DOCK2: variants seen among roughly 807,000 people sequenced by gnomAD.
The protein encoded by DOCK2 is dedicator of cytokinesis 2.
A neutral mutation model predicts 248.9 loss-of-function variants in DOCK2; 87 were observed. That is an observed-to-expected ratio of 0.35 (90% CI 0.29 to 0.42). DOCK2 has a LOEUF of 0.42. Ranked by LOEUF, DOCK2 falls within the 10% of genes least tolerant of loss-of-function variation. The pLI is 1.00. For missense variants in DOCK2, 1,747 were observed against 2,300.2 expected (o/e 0.76, Z 4.92); for synonymous variants, 805 against 821.6 (o/e 0.98, Z 0.35).
At chr5:169,881,512 C>T in intron 27 of DOCK2, 1 of 1,234,478 alleles carries the variant, frequency 8.1e-7, no homozygotes, top group East Asian at 2.5e-5. Flanking sequence ...ATTCAACCTA[C>T]TTGTCCCTTA....
chr5:169,988,288 G>A lies in DOCK2; in HGVS notation c.2993+2366G>A, dbSNP rs146537232. ...TAATAGCTAACATTTATTAAGTACC[G>A]AGATCCATCACTGTTGCAAAGGCTT... On this transcript the variant is annotated intron_variant, in intron 29 of 51. Coordinates refer to ENST00000520908, the MANE Select transcript of DOCK2 (RefSeq NM_004946.3). 5.3e-3 allele frequency among the ~76,000 whole-genome samples: 811 copies of A among 151,682 alleles called. 6 individuals are homozygous for A. The highest frequency in any genetic ancestry group is 0.018 in the African/African-American group (729 of 41,358).
chr5:169,987,844 G>A (rs1392602874), intron 29 of DOCK2, among the ~76,000 whole-genome samples: 1 of 152,132 alleles, frequency 6.6e-6, no homozygotes, highest in Non-Finnish European at 1.5e-5. Context: ...AAAGAAAAAA[G>A]TTAGACTCTA....
intron 30 of DOCK2, among the ~76,000 whole-genome samples, chr5:169,998,334 G>T (rs1419189307): frequency 6.6e-6 from 1 of 152,220 alleles, no homozygotes; most frequent in African/African-American, 2.4e-5. Flanking sequence ...AGGCCTGTGA[G>T]ATTCACCCTT....
rs1284673140 is a variant in DOCK2, at chr5:170,018,483, G to A, written c.3233-477G>A. 9.2e-5 allele frequency among the ~76,000 whole-genome samples: 14 copies of A among 152,148 alleles called. 1 individual carries two copies. The highest frequency in any genetic ancestry group is 2.9e-5 in the Non-Finnish European group (2 of 68,034). ...CTCAAGCTATGTTTTAAATCTCCCC[G>A]TTCCACTGACCACACTATTATAGCG... On this transcript the variant is annotated intron_variant, in intron 32 of 51. Coordinates refer to ENST00000520908, the MANE Select transcript of DOCK2 (RefSeq NM_004946.3).
At chr5:169,876,802 T>C (rs1772362631) in intron 27 of DOCK2, among the ~76,000 whole-genome samples, 1 of 152,250 alleles carries the variant, frequency 6.6e-6, no homozygotes. Flanking sequence ...ACAATGACTT[T>C]ACTTCTGGAC....
intron 5 of DOCK2, among the ~76,000 whole-genome samples, chr5:169,673,816 C>T (rs1229238025): frequency 6.6e-6 from 1 of 152,166 alleles, no homozygotes; most frequent in Admixed American, 6.5e-5. Flanking sequence ...GAGAGAATCA[C>T]CTAGGGATCC....
chr5:169,712,364 T>C, intron 17 of DOCK2, 141 bp downstream of exon 17: 1 of 643,978 alleles, frequency 1.6e-6, no homozygotes, highest in South Asian at 2.0e-5. Flanking sequence ...TCTTATAAAC[T>C]CTTGACTTCT....
chr5:169,802,834 A>G (rs1581211125), intron 25 of DOCK2, among the ~76,000 whole-genome samples: 1 of 152,230 alleles, frequency 6.6e-6, no homozygotes, highest in East Asian at 1.9e-4. Context: ...TAGAATATAC[A>G]GAATAAAATA....
chr5:169,839,481 C>T (rs1769805569), intron 26 of DOCK2, among the ~76,000 whole-genome samples: 1 of 152,144 alleles, frequency 6.6e-6, no homozygotes. Flanking sequence ...ATTCCTAGGC[C>T]TTTCCACTTG....
At chr5:169,828,982 A>C (rs887181458) in intron 26 of DOCK2, among the ~76,000 whole-genome samples, 2 of 152,184 alleles carry the variant, frequency 1.3e-5, no homozygotes, top group Non-Finnish European at 2.9e-5. Flanking sequence ...CTCCGAGTGG[A>C]TTACTTTATG....
intron 29 of DOCK2, among the ~76,000 whole-genome samples, chr5:169,993,794 G>A (rs1778268972): frequency 6.6e-6 from 1 of 152,170 alleles, no homozygotes; most frequent in South Asian, 2.1e-4. Context: ...AGAGTGCTCA[G>A]CTCACCTGCA....
At chr5:169,784,125 A>AT (rs11296090) in intron 25 of DOCK2, among the ~76,000 whole-genome samples, 28 of 150,668 alleles carry the variant, frequency 1.9e-4, no homozygotes, top group East Asian at 5.8e-4. Flanking sequence ...AATTTCATTG[A>AT]TTTTTTTTTT....
In DOCK2 at chr5:170,080,240, C is replaced by T; in HGVS notation, c.5244C>T (p.Leu1748=). The change falls in exon 50 of 52, where the codon CTC becomes CTT. Residue 1748 remains leucine, a synonymous_variant. Coordinates refer to ENST00000520908, the MANE Select transcript of DOCK2 (RefSeq NM_004946.3). The part of the protein sequence containing the change: ...HAAIPLKASV[L]SQMSFASQSM... ...CCATCCCCCTCAAGGCGTCTGTCCT[C>T]TCTCAAATGAGCTTTGCCAGCCAGT... The T allele has an allele frequency of 3.1e-6, 5 of 1,614,192 alleles. No homozygotes were observed. Among genetic ancestry groups the T allele is most frequent in the Non-Finnish European group, 4.2e-6 (5 of 1,180,036 alleles).
rs150249707 is a variant in DOCK2 at position 169,835,060 on chromosome 5, G to A, written c.2704-5697G>A. Among the ~76,000 whole-genome samples the A allele has an allele frequency of 1.2e-3, 184 of 152,190 alleles. 1 individual carries two copies. The highest frequency in any genetic ancestry group is 4.1e-3 in the African/African-American group (171 of 41,510). ...TTGCTTTTTTTTTGGTGGGGGGGTG[G>A]CATGAAATGAGGAGTGTGCAAGAAA... On this transcript the variant is annotated intron_variant, in intron 26 of 51. Transcript: ENST00000520908.
intron 26 of DOCK2, among the ~76,000 whole-genome samples, chr5:169,822,700 T>G (rs1768545401): frequency 6.6e-6 from 1 of 151,864 alleles, no homozygotes; most frequent in Non-Finnish European, 1.5e-5. Flanking sequence ...AACATCACAA[T>G]TAAAAGAACT....
Position 169,689,255 on chromosome 5 carries a change from G to A in DOCK2, c.765G>A (p.Glu255=). 6.2e-7 allele frequency: 1 copy of A among 1,614,076 alleles called. No individual in the cohort carries two copies. The highest frequency in any genetic ancestry group is 8.5e-7 in the Non-Finnish European group (1 of 1,179,968). The change falls in exon 9 of 52, where the codon GAG becomes GAA. Residue 255 remains glutamate, a synonymous_variant. Transcript: ENST00000520908. ...YDPNKQTVIS[E]NYLVRWGSRG... ...GCTGCCACTCTTCTTCCCACAGTGAGAACTACCTAGTGCGATGGGGCAGCC... is the reference window on the plus strand; with the variant it reads ...GCTGCCACTCTTCTTCCCACAGTGAAAACTACCTAGTGCGATGGGGCAGCC...
intron 27 of DOCK2, among the ~76,000 whole-genome samples, chr5:169,931,438 A>C (rs1458260692): frequency 2.6e-5 from 4 of 152,272 alleles, no homozygotes; most frequent in Non-Finnish European, 5.9e-5. Context: ...ACTTCTTTGA[A>C]GAAACTCTTT....
chr5:170,061,038 T>A (rs979105998), intron 44 of DOCK2, among the ~76,000 whole-genome samples: 2 of 151,600 alleles, frequency 1.3e-5, no homozygotes, highest in African/African-American at 4.9e-5. Flanking sequence ...TAAAAAAAAA[T>A]TAAAAAAAGA....
chr5:169,697,214 A>G (rs1259987777), intron 10 of DOCK2, among the ~76,000 whole-genome samples: 1 of 152,190 alleles, frequency 6.6e-6, no homozygotes, highest in Admixed American at 6.5e-5. Context: ...CCAGGAACTC[A>G]AATCAGTTTG....
Sources: gnomAD v4.1 joint callset for allele counts (sites outside exome capture counted in the v4.1 genomes callset) on GRCh38, gnomAD v4.1.1 for gene constraint, MANE v1.5 for transcripts, NCBI Gene and HGNC (gene_info 2026-07-23, HGNC 2026-07-21) for gene names.